ZNF827: variants seen among roughly 807,000 people sequenced by gnomAD.
The protein encoded by ZNF827 is zinc finger protein 827.
In ZNF827, 13 loss-of-function variants were observed where a neutral mutation model predicts 102.4. The ratio of observed to expected loss-of-function variants is 0.13; its 90% CI spans 0.08 to 0.20. The LOEUF (loss-of-function observed/expected upper bound fraction) is 0.20. Ranked by LOEUF, ZNF827 falls within the 10% of genes least tolerant of loss-of-function variation. The pLI is 1.00. For missense variants in ZNF827, 1,103 were observed against 1,344.4 expected, an observed-to-expected ratio of 0.82 and a Z score of 2.81; for synonymous variants, 523 against 536.2, an observed-to-expected ratio of 0.98 and a Z score of 0.34.
At chr4:145,855,884 A>G (rs923287045) in intron 5 of ZNF827, among the ~76,000 whole-genome samples, 1 of 152,158 alleles carries the variant, frequency 6.6e-6, no homozygotes, top group Non-Finnish European at 1.5e-5. Flanking sequence ...TATGAGAATT[A>G]AGAACCCAAT....
intron 8 of ZNF827, among the ~76,000 whole-genome samples, chr4:145,814,084 C>G (rs1028660992): frequency 2.0e-5 from 3 of 152,166 alleles, no homozygotes; most frequent in African/African-American, 7.2e-5. Flanking sequence ...GAATTCGAAG[C>G]TTTTTGAGCA....
intron 7 of ZNF827, among the ~76,000 whole-genome samples, chr4:145,837,978 C>T (rs1745039465): frequency 6.6e-6 from 1 of 152,048 alleles, no homozygotes; most frequent in African/African-American, 2.4e-5. Context: ...TCCATACCAC[C>T]CCCCAAAAAT....
intron 4 of ZNF827, 38 bp downstream of exon 4, chr4:145,885,640 G>A (rs1750049281): frequency 6.7e-7 from 1 of 1,500,596 alleles, no homozygotes; most frequent in Non-Finnish European, 8.9e-7. Flanking sequence ...GAGAGAGAGA[G>A]AGAGAGAGAG....
chr4:145,862,740 C>T (rs112130950), intron 5 of ZNF827, among the ~76,000 whole-genome samples: 76 of 152,338 alleles, frequency 5.0e-4, no homozygotes, highest in African/African-American at 1.7e-3. Context: ...AATTTGGTTT[C>T]ACAGGCTTTA....
At chr4:145,898,880 A>C (rs1281554187) in intron 2 of ZNF827, among the ~76,000 whole-genome samples, 1 of 152,206 alleles carries the variant, frequency 6.6e-6, no homozygotes, top group Non-Finnish European at 1.5e-5. Context: ...TAAATTACTC[A>C]AGGCGGGATC....
intron 5 of ZNF827, among the ~76,000 whole-genome samples, chr4:145,858,173 G>A (rs544391523): frequency 6.7e-6 from 1 of 148,562 alleles, no homozygotes; most frequent in African/African-American, 2.5e-5. Context: ...GTGTGTGTGT[G>A]CACATGTGGC....
chr4:145,935,163 T>A (rs1354484744), intron 1 of ZNF827, among the ~76,000 whole-genome samples: 1 of 152,174 alleles, frequency 6.6e-6, no homozygotes, highest in Non-Finnish European at 1.5e-5. Context: ...GAATATTTAA[T>A]CCCCAGACTT....
chr4:145,841,836 G>A (rs1285878863), intron 7 of ZNF827, among the ~76,000 whole-genome samples: 13 of 152,054 alleles, frequency 8.5e-5, no homozygotes, highest in Non-Finnish European at 1.9e-4. Flanking sequence ...CTGGCTACAC[G>A]GTGTGCCTTG....
chr4:145,816,868 C>T (rs955820796), intron 8 of ZNF827, among the ~76,000 whole-genome samples: 6 of 152,164 alleles, frequency 3.9e-5, no homozygotes, highest in African/African-American at 1.4e-4. Flanking sequence ...TTTAGGGCAA[C>T]CAGTTTGTGT....
chr4:145,828,921 T>G (rs551383539), intron 7 of ZNF827, among the ~76,000 whole-genome samples: 1 of 152,354 alleles, frequency 6.6e-6, no homozygotes, highest in East Asian at 1.9e-4. Context: ...CTTTAACACC[T>G]GAGGGCCAAC....
intron 7 of ZNF827, among the ~76,000 whole-genome samples, chr4:145,841,095 T>A (rs1294114225): frequency 3.3e-5 from 5 of 152,232 alleles, no homozygotes. Context: ...GTATTTGTTA[T>A]AGGCCTGCAA....
chr4:145,883,524 A>T (rs1394101085), intron 4 of ZNF827, among the ~76,000 whole-genome samples: 1 of 152,040 alleles, frequency 6.6e-6, no homozygotes, highest in Non-Finnish European at 1.5e-5. Context: ...GCCTTATCTT[A>T]TGCTCCCTGA....
intron 1 of ZNF827, among the ~76,000 whole-genome samples, chr4:145,917,468 GATA>G: frequency 6.6e-6 from 1 of 152,058 alleles, no homozygotes; most frequent in South Asian, 2.1e-4. Flanking sequence ...CCACTCCCAT[GATA>G]ATAATATTAA....
At chr4:145,789,193 C>T (rs7658864) in intron 8 of ZNF827, among the ~76,000 whole-genome samples, 26,511 of 152,058 alleles carry the variant, frequency 0.17, 3,329 homozygotes, top group East Asian at 0.68. Context: ...TCGATATTTT[C>T]CTCAAACAGC....
At chr4:145,904,088 A>C (rs1354272161) in intron 1 of ZNF827, among the ~76,000 whole-genome samples, 1 of 152,196 alleles carries the variant, frequency 6.6e-6, no homozygotes, top group South Asian at 2.1e-4. Context: ...ACTCTCATGC[A>C]CCAGTTAGGC....
At position 145,870,404 on chromosome 4, in the gene ZNF827, T is replaced by C. The variant is rs143420805; in HGVS notation, c.1822A>G (p.Thr608Ala). ...ACATAGCTGGACCGAGGCAAAGTCG[T>C]GCTTAGGGACTCCCCTTCCTTAGGC... The part of the protein sequence containing the change: ...EEPKEGESLS[T>A]TLPRSSYVFS... Residue 608 changes from threonine to alanine, a missense_variant, in exon 5 of 15, where the codon ACG becomes GCG. Physicochemically the swap from Thr to Ala is moderately conservative, Grantham distance 58. This residue lies in a region of ZNF827 where 243 missense variants were observed against 251.6 expected (regional missense o/e 0.97). Coordinates refer to ENST00000508784, the MANE Select transcript of ZNF827 (RefSeq NM_001306215.2). 318 of 1,614,134 alleles carry C rather than the reference T, an allele frequency of 2.0e-4. 3 individuals are homozygous for C. Among genetic ancestry groups the C allele is most frequent in the South Asian group, 1.3e-3 (122 of 91,080 alleles).
In ZNF827 at chr4:145,758,220, A is replaced by C. The variant is rs568268148; in HGVS notation, c.*3396T>G. 35 of 152,356 alleles carry C rather than the reference A, an allele frequency of 2.3e-4. No homozygotes were observed. The highest frequency in any genetic ancestry group is 8.4e-4 in the African/African-American group (35 of 41,580). 9.4% of individuals were successfully genotyped at this position (152,356 alleles called of 1,614,324 possible). A position where few individuals can be genotyped will look rare whatever the true frequency, so the allele number is the denominator to read the frequency against. ...ATGACTCTTTCCAAAGTGCTAAAAA[A>C]GTTGCCCAATTATATTAAGCATTAC... On this transcript the variant is annotated 3_prime_UTR_variant, in exon 15 of 15. Coordinates refer to ENST00000508784, the MANE Select transcript of ZNF827 (RefSeq NM_001306215.2).
intron 7 of ZNF827, among the ~76,000 whole-genome samples, chr4:145,837,552 C>T (rs1274952198): frequency 1.3e-5 from 2 of 152,266 alleles, no homozygotes; most frequent in South Asian, 4.2e-4. Context: ...CTCATACATG[C>T]CCTGCTCTTG....
chr4:145,871,981 A>T (rs1344527051), intron 4 of ZNF827, among the ~76,000 whole-genome samples: 1 of 152,178 alleles, frequency 6.6e-6, no homozygotes, highest in Non-Finnish European at 1.5e-5. Flanking sequence ...GTATTGTAAC[A>T]AAACTTGAAA....
Sources: gnomAD v4.1 joint callset for allele counts (sites outside exome capture counted in the v4.1 genomes callset) on GRCh38, gnomAD v4.1.1 for gene constraint, gnomAD v4.1.1 regional missense constraint, MANE v1.5 for transcripts, NCBI Gene and HGNC (gene_info 2026-07-23, HGNC 2026-07-21) for gene names.